TMIGD1: variants seen among roughly 807,000 people sequenced by gnomAD.
TMIGD1 encodes the protein transmembrane and immunoglobulin domain-containing protein 1.
In TMIGD1, 29 loss-of-function variants were observed where a neutral mutation model predicts 27.5. The observed-to-expected ratio is 1.05, with a 90% CI of 0.78 to 1.44. The LOEUF (loss-of-function observed/expected upper bound fraction) is 1.44, where lower values mean the gene tolerates loss of function less well. TMIGD1 is among the 40% of genes most tolerant of loss of function. TMIGD1 has a pLI of 0.00. For missense variants in TMIGD1, 334 were observed against 310.6 expected (o/e 1.08, Z -0.57); for synonymous variants, 109 against 110.3 (o/e 0.99, Z 0.07).
At chr17:30,332,570 TA>T (rs1341226051) in intron 1 of TMIGD1, among the ~76,000 whole-genome samples, 8 of 152,304 alleles carry the variant, frequency 5.3e-5, no homozygotes, top group Non-Finnish European at 8.8e-5. Flanking sequence ...TCTCTGATAA[TA>T]GAGAGTTTTT....
Position 30,329,420 on chromosome 17 carries a change from T to C in TMIGD1, c.192A>G (p.Glu64=). 1.2e-6 allele frequency: 2 copies of C among 1,614,196 alleles called. No homozygotes were observed. The highest frequency in any genetic ancestry group is 8.5e-7 in the Non-Finnish European group (1 of 1,180,006). The change falls in exon 3 of 7, where the codon GAA becomes GAG. Residue 64 remains glutamate (E), a synonymous_variant. Transcript: ENST00000328886. The stretch of plus-strand genomic sequence containing the variant: ...TCCCCTCCTCTCGGTACCAGAGCAG[T>C]TCTTCCTCTCTGGTGTGGTTTTGAA... ...CAVQNHTREE[E]LLWYREEGRV...
intron 2 of TMIGD1, among the ~76,000 whole-genome samples, chr17:30,331,038 C>CA (rs939597018): frequency 3.3e-5 from 5 of 151,962 alleles, no homozygotes; most frequent in South Asian, 2.1e-4. Context: ...ACTAAAAATA[C>CA]AAAAAAATTA....
chr17:30,316,722 T>G (rs531677413), intron 6 of TMIGD1, 32 bp from the exon 7 acceptor site: 2 of 1,607,010 alleles, frequency 1.2e-6, no homozygotes, highest in South Asian at 2.2e-5. Context: ...ATAATAATGA[T>G]GCTCATAGCA....
chr17:30,321,407 A>AT (rs1909617564), intron 4 of TMIGD1, among the ~76,000 whole-genome samples: 1 of 152,214 alleles, frequency 6.6e-6, no homozygotes, highest in Non-Finnish European at 1.5e-5. Flanking sequence ...GACGGGAAGG[A>AT]GCTTCAGTCA....
At chr17:30,320,525 C>G (rs1198865929) in intron 4 of TMIGD1, among the ~76,000 whole-genome samples, 1 of 152,134 alleles carries the variant, frequency 6.6e-6, no homozygotes, top group Non-Finnish European at 1.5e-5. Context: ...TCAACTCTAA[C>G]CGAACTGTTA....
At chr17:30,322,325 A>C (rs186391910) in intron 4 of TMIGD1, among the ~76,000 whole-genome samples, 8 of 152,292 alleles carry the variant, frequency 5.3e-5, no homozygotes, top group African/African-American at 1.9e-4. Flanking sequence ...GGACACACCA[A>C]AGGCCCGTCA....
chr17:30,318,093 A>C (rs1368880405), intron 5 of TMIGD1, among the ~76,000 whole-genome samples: 1 of 151,994 alleles, frequency 6.6e-6, no homozygotes, highest in Admixed American at 6.6e-5. Context: ...GAAAGAAAGG[A>C]AGACAGAAAG....
In TMIGD1 at chr17:30,317,205, C is replaced by CTG. The variant is rs774421321; in HGVS notation, c.771_772dup (p.Ser258ThrfsTer37). 7 of 1,614,054 alleles carry CTG rather than the reference C, an allele frequency of 4.3e-6. No homozygotes were observed. In the South Asian group the frequency reaches 7.7e-5, roughly 18 times the overall value. On this transcript the variant is annotated frameshift_variant, in exon 6 of 7. Coordinates refer to ENST00000328886, the MANE Select transcript of TMIGD1 (RefSeq NM_206832.3). LOFTEE classifies it high-confidence loss of function. ...CTAGAGTACTTACAGAGCTGTTTCACTGTGAGGGTCTTTATCCTTCATGCA... is the reference window on the plus strand; with the variant it reads ...CTAGAGTACTTACAGAGCTGTTTCACTGTGTGAGGGTCTTTATCCTTCATGCA...
chr17:30,322,793 C>G (rs1304421981), intron 4 of TMIGD1, among the ~76,000 whole-genome samples: 2 of 152,256 alleles, frequency 1.3e-5, no homozygotes, highest in African/African-American at 4.8e-5. Flanking sequence ...AGCCGCTGCA[C>G]CTGGCTGACA....
chr17:30,321,068 G>C (rs1909604786), intron 4 of TMIGD1, among the ~76,000 whole-genome samples: 1 of 152,102 alleles, frequency 6.6e-6, no homozygotes, highest in Non-Finnish European at 1.5e-5. Context: ...ATGTTGGCCA[G>C]TCTGGCCTCG....
intron 5 of TMIGD1, among the ~76,000 whole-genome samples, chr17:30,317,712 A>T (rs111530249): frequency 0.01 from 1,541 of 151,702 alleles, 23 homozygotes; most frequent in Middle Eastern, 0.051. Flanking sequence ...GTGAGCTGAG[A>T]TCACGCCACT....
At chr17:30,331,060 TG>T (rs1909960776) in intron 2 of TMIGD1, among the ~76,000 whole-genome samples, 1 of 152,054 alleles carries the variant, frequency 6.6e-6, no homozygotes, top group Non-Finnish European at 1.5e-5. Flanking sequence ...CCAGGCATGG[TG>T]GCGGGCTCCT....
At chr17:30,319,402 G>A (rs1909543485) in intron 4 of TMIGD1, among the ~76,000 whole-genome samples, 1 of 137,398 alleles carries the variant, frequency 7.3e-6, no homozygotes, top group Non-Finnish European at 1.5e-5. Flanking sequence ...TCCAGTCTGG[G>A]TGACAGAGCA....
rs533104532 is a variant in TMIGD1, at chr17:30,332,636, T to C, written c.-25-478A>G. 2.8e-4 allele frequency among the ~76,000 whole-genome samples: 42 copies of C among 152,300 alleles called. No homozygotes were observed. In the South Asian group the frequency reaches 5.6e-3, roughly 20 times the overall value. On this transcript the variant is annotated intron_variant, in intron 1 of 6. Transcript: ENST00000328886. Reference sequence around the variant, plus strand: ...TGGTGTGTACGTAGAAAAGCCTCAATTGAAACATGGCCTCTAGTTTAAACC... The same window carrying C: ...TGGTGTGTACGTAGAAAAGCCTCAACTGAAACATGGCCTCTAGTTTAAACC...
chr17:30,319,261 A>AAAAAAATATATATATATATATATATATAT, intron 4 of TMIGD1, among the ~76,000 whole-genome samples: 9 of 69,028 alleles, frequency 1.3e-4, no homozygotes, highest in African/African-American at 7.3e-4. Flanking sequence ...AAAAAAAAAA[A>AAAAAAATATATATATATATATATATATAT]ATATATATAT....
At chr17:30,317,317 C>G in intron 5 of TMIGD1, 84 bp from the exon 6 acceptor site, 1 of 1,489,110 alleles carries the variant, frequency 6.7e-7, no homozygotes, top group East Asian at 2.3e-5. Context: ...GGCTCGAGGA[C>G]AGGTGTGTGT....
chr17:30,319,261 A>AAATATATAT, intron 4 of TMIGD1, among the ~76,000 whole-genome samples: 10 of 69,046 alleles, frequency 1.4e-4, no homozygotes, highest in African/African-American at 9.1e-4. Context: ...AAAAAAAAAA[A>AAATATATAT]ATATATATAT....
chr17:30,327,518 T>C (rs1197826161), intron 3 of TMIGD1, among the ~76,000 whole-genome samples: 1 of 151,902 alleles, frequency 6.6e-6, no homozygotes, highest in Non-Finnish European at 1.5e-5. Context: ...GAGCCCCTAG[T>C]CCGGGCCTTA....
At chr17:30,319,261 A>AAAAAATATATAT in intron 4 of TMIGD1, among the ~76,000 whole-genome samples, 13 of 69,068 alleles carry the variant, frequency 1.9e-4, no homozygotes, top group African/African-American at 1.1e-3. Context: ...AAAAAAAAAA[A>AAAAAATATATAT]ATATATATAT....
Sources: gnomAD v4.1 joint callset for allele counts (sites outside exome capture counted in the v4.1 genomes callset) on GRCh38, gnomAD v4.1.1 for gene constraint, MANE v1.5 for transcripts, NCBI Gene and HGNC (gene_info 2026-07-23, HGNC 2026-07-21) for gene names.